Variants in MACROD1 observed in about 807,000 individuals in gnomAD.
MACROD1 encodes the protein mono-ADP ribosylhydrolase 1.
A neutral mutation model predicts 41.4 loss-of-function variants in MACROD1; 31 were observed. The ratio of observed to expected loss-of-function variants is 0.75; its 90% confidence interval spans 0.56 to 1.01. The LOEUF is 1.01. Ranked by LOEUF, MACROD1 falls within the 50% of genes least tolerant of loss-of-function variation. MACROD1 has a pLI of 0.00. For missense variants in MACROD1, 473 were observed against 460.0 expected, an observed-to-expected ratio of 1.03 and a Z score of -0.26; for synonymous variants, 252 against 203.4, an observed-to-expected ratio of 1.24 and a Z score of -2.03.
At chr11:64,101,561 C>A (rs868216676) in intron 3 of MACROD1, among the ~76,000 whole-genome samples, 2 of 152,156 alleles carry the variant, frequency 1.3e-5, no homozygotes, top group African/African-American at 2.4e-5. Flanking sequence ...ACAATTTCTG[C>A]GCCCCGGCCA....
rs573021170 is a variant in MACROD1, at chr11:64,157,211, G to T, written c.299-4818C>A. Among the ~76,000 whole-genome samples, 4 of 152,218 alleles carry T rather than the reference G, an allele frequency of 2.6e-5. No homozygotes were observed. In the East Asian group the frequency reaches 7.7e-4, roughly 29 times the overall value. On this transcript the variant is annotated intron_variant, in intron 1 of 10. Coordinates refer to ENST00000255681, the MANE Select transcript of MACROD1 (RefSeq NM_014067.4). ...GGGTTCAAGCAATTCTCATGCCTCAGCCTCCTGAGTAGCTGGGATTACAGG... is the reference window on the plus strand; with the variant it reads ...GGGTTCAAGCAATTCTCATGCCTCATCCTCCTGAGTAGCTGGGATTACAGG...
At chr11:64,049,023 C>CCCTGGGGTGCCGGCTGCCTCCTGT (rs1245230076) in intron 3 of MACROD1, among the ~76,000 whole-genome samples, 2 of 152,206 alleles carry the variant, frequency 1.3e-5, no homozygotes, top group African/African-American at 2.4e-5. Flanking sequence ...CTGCCTCCTG[C>CCCTGGGGTGCCGGCTGCCTCCTGT]CCTGAGTGTG....
chr11:64,041,845 C>T (rs1249262165), intron 3 of MACROD1, among the ~76,000 whole-genome samples: 4 of 152,138 alleles, frequency 2.6e-5, no homozygotes, highest in East Asian at 1.9e-4. Flanking sequence ...CATGGCAAGT[C>T]GCAGAGGGTC....
At chr11:64,118,959 C>T (rs1263672729) in intron 3 of MACROD1, 3 of 166,592 alleles carry the variant, frequency 1.8e-5, no homozygotes, top group Non-Finnish European at 2.9e-5. Context: ...TTTTCCTAGG[C>T]TGAAGCCCTC....
intron 3 of MACROD1, among the ~76,000 whole-genome samples, chr11:64,054,023 G>T (rs1943740568): frequency 6.6e-6 from 1 of 152,170 alleles, no homozygotes; most frequent in Non-Finnish European, 1.5e-5. Context: ...GCTCCCACGT[G>T]GTTCAGAAAG....
At chr11:64,154,008 C>T (rs1945626045) in intron 1 of MACROD1, among the ~76,000 whole-genome samples, 1 of 152,152 alleles carries the variant, frequency 6.6e-6, no homozygotes. Flanking sequence ...TCAGTCCACC[C>T]AGTCTGGTCC....
In MACROD1 at chr11:64,062,771, G is replaced by A. The variant is rs374206175; in HGVS notation, c.518-47490C>T. ...CAGATGCCCACCCCAAAACCAGGCC[G>A]GGCAGGTCTGGGGTGCCTGGCTTTA... On this transcript the variant is annotated intron_variant, in intron 3 of 10. Transcript: ENST00000255681. Among the ~76,000 whole-genome samples, 12 of 152,246 alleles carry A rather than the reference G, an allele frequency of 7.9e-5. No individual in the cohort carries two copies. The East Asian group carries it at 1.9e-3, about 24-fold the overall frequency.
rs1301578374 is a variant in MACROD1, at chr11:64,090,351, G to A, written c.517+60888C>T. On this transcript the variant is annotated intron_variant, in intron 3 of 10. Transcript: ENST00000255681. This position sits in a 1 kb window ranked among gnomAD's most constrained non-coding sequence, Gnocchi z 4.7. ...GTCTCGTTTCTTAGTGGGTAGGAAA[G>A]CCACAAATAAGTAAACTCAGGCAGC... Among the ~76,000 whole-genome samples the A allele has an allele frequency of 6.6e-6, 1 of 152,230 alleles. No homozygotes were observed. The highest frequency in any genetic ancestry group is 1.5e-5 in the Non-Finnish European group (1 of 68,038).
chr11:64,069,177 G>T (rs1205257964), intron 3 of MACROD1, among the ~76,000 whole-genome samples: 3 of 152,230 alleles, frequency 2.0e-5, no homozygotes, highest in Admixed American at 1.3e-4. Context: ...AGAGGTGCGG[G>T]GAGCAGAGCA....
intron 4 of MACROD1, among the ~76,000 whole-genome samples, chr11:64,010,859 T>C (rs569048470): frequency 8.0e-5 from 11 of 137,958 alleles, no homozygotes; most frequent in Admixed American, 3.5e-4. Context: ...GGAGTGTTGG[T>C]TGGGGTGTTT....
chr11:64,116,792 C>A, intron 3 of MACROD1: 1 of 1,613,584 alleles, frequency 6.2e-7, no homozygotes, highest in Non-Finnish European at 8.5e-7. Flanking sequence ...CCTTCGCCGA[C>A]AGCAAACAGC....
At chr11:64,013,708 G>A (rs113513499) in intron 4 of MACROD1, among the ~76,000 whole-genome samples, 7 of 152,204 alleles carry the variant, frequency 4.6e-5, no homozygotes, top group South Asian at 4.2e-4. Context: ...TAAAGATCTC[G>A]CTCCTCACAG....
intron 3 of MACROD1, among the ~76,000 whole-genome samples, chr11:64,123,307 CGT>C (rs1945128148): frequency 6.6e-6 from 1 of 152,180 alleles, no homozygotes; most frequent in Non-Finnish European, 1.5e-5. Context: ...GATTCGCAGC[CGT>C]GCATTGGCCT....
At chr11:64,015,767 C>T (rs1943072832) in intron 3 of MACROD1, among the ~76,000 whole-genome samples, 1 of 152,100 alleles carries the variant, frequency 6.6e-6, no homozygotes, top group South Asian at 2.1e-4. Context: ...CTAAGCGCTG[C>T]CCAGGGCCAG....
intron 3 of MACROD1, among the ~76,000 whole-genome samples, chr11:64,019,607 T>C (rs1212975935): frequency 1.3e-5 from 2 of 152,172 alleles, no homozygotes; most frequent in Admixed American, 1.3e-4. Context: ...CCCTCCTCCA[T>C]GCTCCACACA....
At position 64,042,664 on chromosome 11, in the gene MACROD1, G is replaced by A. The variant is rs773918295; in HGVS notation, c.518-27383C>T. ...CTGCATGCCTCCTAGGCTGTCTACC[G>A]GTCCCAGGGAGATAGACAACACTCC... is the stretch of plus-strand genomic sequence containing the variant. On this transcript the variant is annotated intron_variant, in intron 3 of 10. Transcript: ENST00000255681. 5.9e-5 allele frequency among the ~76,000 whole-genome samples: 9 copies of A among 152,234 alleles called. No individual in the cohort carries two copies. The South Asian group carries it at 8.3e-4, about 14-fold the overall frequency.
intron 3 of MACROD1, among the ~76,000 whole-genome samples, chr11:64,018,336 C>T (rs569593990): frequency 6.6e-6 from 1 of 152,304 alleles, no homozygotes; most frequent in South Asian, 2.1e-4. Flanking sequence ...GGACCCAGTT[C>T]CTCAGCTCCT....
intron 3 of MACROD1, among the ~76,000 whole-genome samples, chr11:64,132,911 A>G (rs898499166): frequency 6.6e-6 from 1 of 152,224 alleles, no homozygotes; most frequent in Non-Finnish European, 1.5e-5. Context: ...AGATCTAAGC[A>G]GCTTGCCCAA....
At chr11:64,056,090 G>C (rs1943780428) in intron 3 of MACROD1, among the ~76,000 whole-genome samples, 1 of 152,218 alleles carries the variant, frequency 6.6e-6, no homozygotes, top group African/African-American at 2.4e-5. Context: ...GGAGGAGGAA[G>C]GGAGCTTGGA....
Sources: gnomAD v4.1 joint callset for allele counts (sites outside exome capture counted in the v4.1 genomes callset) on GRCh38, gnomAD v4.1.1 for gene constraint, Gnocchi (gnomAD v3.1) non-coding constraint, MANE v1.5 for transcripts, NCBI Gene and HGNC (gene_info 2026-07-23, HGNC 2026-07-21) for gene names.